NRG3: variants seen among roughly 807,000 people sequenced by gnomAD.
NRG3 encodes neuregulin 3, also known as pro-neuregulin-3, membrane-bound isoform.
In NRG3, 31 loss-of-function variants were observed where a neutral mutation model predicts 66.9. That is an observed-to-expected ratio of 0.46 (90% CI 0.35 to 0.63). The LOEUF (loss-of-function observed/expected upper bound fraction) is 0.63, where lower values mean the gene tolerates loss of function less well. Ranked by LOEUF, NRG3 falls within the 20% of genes least tolerant of loss-of-function variation. The probability of loss-of-function intolerance (pLI) is 0.00; values close to 1 mark genes in which losing one functional copy is unlikely to be tolerated. For synonymous variants in NRG3, 393 were observed against 359.4 expected, an observed-to-expected ratio of 1.09 and a Z score of -1.06; for missense variants, 910 against 878.9, an observed-to-expected ratio of 1.04 and a Z score of -0.45.
chr10:82,158,972 G>T (rs552446554), intron 1 of NRG3, among the ~76,000 whole-genome samples: 18 of 151,978 alleles, frequency 1.2e-4, no homozygotes, highest in African/African-American at 4.3e-4. Context: ...ACTTCTGCAT[G>T]AAGAGCATGA....
chr10:82,163,423 G>A (rs1408102707), intron 1 of NRG3, among the ~76,000 whole-genome samples: 2 of 152,238 alleles, frequency 1.3e-5, no homozygotes, highest in East Asian at 3.9e-4. Context: ...GCACAAAGAA[G>A]GAGATAAAAA....
chr10:82,238,205 GT>G (rs1269286714), intron 1 of NRG3, among the ~76,000 whole-genome samples: 1 of 151,930 alleles, frequency 6.6e-6, no homozygotes, highest in South Asian at 2.1e-4. Flanking sequence ...TTGTAGTGTT[GT>G]TTTGCTATTT....
intron 1 of NRG3, among the ~76,000 whole-genome samples, chr10:82,171,882 G>T (rs543615148): frequency 6.6e-6 from 1 of 152,166 alleles, no homozygotes; most frequent in South Asian, 2.1e-4. Flanking sequence ...TATCTTATAA[G>T]ATCTTAGTAG....
At position 82,230,863 on chromosome 10, in the gene NRG3, C is replaced by G. The variant is rs181414289; in HGVS notation, c.824-127876C>G. ...TTTTATAGCTGAAGGCAAAAAAATG[C>G]CACTCAATGGTGATTTATTAAATAA... On this transcript the variant is annotated intron_variant, in intron 1 of 8. Transcript: ENST00000372141. 2.0e-3 allele frequency among the ~76,000 whole-genome samples: 308 copies of G among 151,950 alleles called. 1 individual carries two copies. The highest frequency in any genetic ancestry group is 7.2e-3 in the African/African-American group (299 of 41,418).
chr10:82,096,313 A>C (rs1303593795), intron 1 of NRG3, among the ~76,000 whole-genome samples: 1 of 152,092 alleles, frequency 6.6e-6, no homozygotes, highest in Non-Finnish European at 1.5e-5. Flanking sequence ...CATCTCTACT[A>C]AAAATACAAC....
chr10:82,840,625 A>G (rs759617617), intron 3 of NRG3, among the ~76,000 whole-genome samples: 2 of 152,206 alleles, frequency 1.3e-5, no homozygotes, highest in African/African-American at 4.8e-5. Context: ...CGTAACTGCT[A>G]TAAGAAAGCA....
intron 2 of NRG3, among the ~76,000 whole-genome samples, chr10:82,575,064 G>T (rs905843138): frequency 6.6e-6 from 1 of 151,648 alleles, no homozygotes; most frequent in Non-Finnish European, 1.5e-5. Context: ...TTGCAGAGTG[G>T]ATAGTGTTAT....
chr10:82,833,079 A>G (rs1405685335), intron 3 of NRG3, among the ~76,000 whole-genome samples: 1 of 152,074 alleles, frequency 6.6e-6, no homozygotes, highest in African/African-American at 2.4e-5. Context: ...GAACTCAGGG[A>G]TGCCATTCTA....
rs533214797 is a variant in NRG3 at position 82,096,235 on chromosome 10, G to A, written c.823+220072G>A. Among the ~76,000 whole-genome samples, 185 of 152,220 alleles carry A rather than the reference G, an allele frequency of 1.2e-3. 1 individual carries two copies. The highest frequency in any genetic ancestry group is 4.3e-3 in the African/African-American group (180 of 41,534). ...CTCATGCCTGTAATCCCAGCACTTT[G>A]GGAGGCTGAGGTGGGCAGATCATGA... On this transcript the variant is annotated intron_variant, in intron 1 of 8. Transcript: ENST00000372141.
intron 1 of NRG3, among the ~76,000 whole-genome samples, chr10:82,113,525 T>G (rs2067514909): frequency 6.6e-6 from 1 of 152,176 alleles, no homozygotes; most frequent in Admixed American, 6.6e-5. Flanking sequence ...TGATTTGGGT[T>G]ATGAAAAACT....
In NRG3 at chr10:82,985,569, A is replaced by C; in HGVS notation, c.2055A>C (p.Arg685Ser). 2 of 1,613,566 alleles carry C rather than the reference A, an allele frequency of 1.2e-6. No individual in the cohort carries two copies. Among genetic ancestry groups the C allele is most frequent in the South Asian group, 2.2e-5 (2 of 91,070 alleles). The stretch of plus-strand genomic sequence containing the variant: ...AACGAGAGGCGCAATTTGTCTTAAG[A>C]AATGAAATACAAAGAGACTCTGCAT... ...KSEREAQFVL[R>S]NEIQRDSALT... Residue 685 changes from arginine (R) to serine (S), a missense_variant, in exon 9 of 9, where the codon AGA (arginine) becomes AGC (serine). Arg to Ser is a moderately radical substitution (Grantham distance 110, BLOSUM62 -1). Coordinates refer to ENST00000372141, the MANE Select transcript of NRG3 (RefSeq NM_001010848.4).
chr10:82,928,852 C>A (rs190031956), intron 4 of NRG3, among the ~76,000 whole-genome samples: 12 of 152,198 alleles, frequency 7.9e-5, no homozygotes, highest in Admixed American at 5.9e-4. Flanking sequence ...TGCTCACACC[C>A]CCTCACACTC....
chr10:82,242,489 G>A (rs2077048977), intron 1 of NRG3, among the ~76,000 whole-genome samples: 1 of 152,132 alleles, frequency 6.6e-6, no homozygotes, highest in South Asian at 2.1e-4. Context: ...ACCACTATGT[G>A]CTAAGTGAAA....
At position 81,963,307 on chromosome 10, in the gene NRG3, G is replaced by C. The variant is rs182445051; in HGVS notation, c.823+87144G>C. On this transcript the variant is annotated intron_variant, in intron 1 of 8. Transcript: ENST00000372141. ...CGCCACTACGCCCGGCTAATTTTTT[G>C]TATTTTTAGTAGAGACGGGGTTTCA... Among the ~76,000 whole-genome samples, 677 of 150,562 alleles carry C rather than the reference G, an allele frequency of 4.5e-3. 42 individuals carry two copies. The East Asian group carries it at 0.12, about 27-fold the overall frequency.
intron 1 of NRG3, among the ~76,000 whole-genome samples, chr10:81,957,993 G>T (rs1429761980): frequency 6.6e-6 from 1 of 152,152 alleles, no homozygotes; most frequent in African/African-American, 2.4e-5. Context: ...GTCTCATAGG[G>T]TGGCCTTTCC....
At chr10:82,659,857 T>C (rs995868806) in intron 2 of NRG3, among the ~76,000 whole-genome samples, 3 of 151,998 alleles carry the variant, frequency 2.0e-5, no homozygotes, top group Admixed American at 6.6e-5. Context: ...CTGGTAGCAC[T>C]GGTCATATAA....
intron 2 of NRG3, among the ~76,000 whole-genome samples, chr10:82,697,450 C>A (rs1305100813): frequency 2.0e-5 from 3 of 152,130 alleles, no homozygotes; most frequent in Non-Finnish European, 4.4e-5. Flanking sequence ...TTGTGATGAT[C>A]CCAAGAAATT....
intron 4 of NRG3, among the ~76,000 whole-genome samples, chr10:82,935,687 G>A (rs1001929337): frequency 2.0e-5 from 3 of 151,912 alleles, no homozygotes; most frequent in Non-Finnish European, 2.9e-5. Context: ...GCAGTGGCGC[G>A]ATCTCAGCTA....
At chr10:81,927,640 A>G (rs1589485686) in intron 1 of NRG3, among the ~76,000 whole-genome samples, 1 of 152,182 alleles carries the variant, frequency 6.6e-6, no homozygotes, top group African/African-American at 2.4e-5. Context: ...GGAAGTTCAG[A>G]GGTTCCATAA....
Sources: allele counts gnomAD v4.1 joint callset (sites outside exome capture counted in the v4.1 genomes callset), GRCh38; gene constraint gnomAD v4.1.1; transcripts MANE v1.5; gene names NCBI Gene and HGNC (gene_info 2026-07-23, HGNC 2026-07-21).